CLPB: variants seen among roughly 807,000 people sequenced by gnomAD.
The protein encoded by CLPB is ClpB family mitochondrial disaggregase, also known as mitochondrial disaggregase.
CLPB carries 40 observed loss-of-function variants against 78.4 expected under a neutral mutation model. That is an observed-to-expected ratio of 0.51 (90% CI 0.40 to 0.66). CLPB has a LOEUF of 0.66. Ranked by LOEUF, CLPB falls within the 30% of genes least tolerant of loss-of-function variation. The pLI, the probability that CLPB is intolerant of heterozygous loss-of-function variation, is 0.00. For missense variants in CLPB, 780 were observed against 886.9 expected (o/e 0.88, Z 1.53); for synonymous variants, 333 against 348.0 (o/e 0.96, Z 0.48).
chr11:72,405,744 C>T (rs768123987), intron 2 of CLPB, among the ~76,000 whole-genome samples: 1 of 151,984 alleles, frequency 6.6e-6, no homozygotes. Flanking sequence ...CTGGCTAACA[C>T]GGTGAAACCG....
At chr11:72,316,814 CAG>C (rs764885360) in intron 7 of CLPB, among the ~76,000 whole-genome samples, 1 of 152,256 alleles carries the variant, frequency 6.6e-6, no homozygotes, top group East Asian at 1.9e-4. Context: ...AGATGACGGT[CAG>C]AGTTAAATTC....
chr11:72,366,179 T>A (rs895739687), intron 4 of CLPB, among the ~76,000 whole-genome samples: 1 of 152,128 alleles, frequency 6.6e-6, no homozygotes, highest in Non-Finnish European at 1.5e-5. Flanking sequence ...TGGTCTAATA[T>A]CCAGAATCTA....
intron 2 of CLPB, among the ~76,000 whole-genome samples, chr11:72,422,530 C>T (rs1856240907): frequency 6.6e-6 from 1 of 152,200 alleles, no homozygotes; most frequent in South Asian, 2.1e-4. Flanking sequence ...ATTCAAAAAA[C>T]TGTGTGATGA....
intron 7 of CLPB, among the ~76,000 whole-genome samples, chr11:72,313,168 G>C (rs1174571482): frequency 6.6e-6 from 1 of 152,122 alleles, no homozygotes; most frequent in African/African-American, 2.4e-5. Context: ...CATGTCTGTG[G>C]CATCTCCTAG....
At chr11:72,338,925 T>A (rs529725524) in intron 5 of CLPB, among the ~76,000 whole-genome samples, 1 of 152,180 alleles carries the variant, frequency 6.6e-6, no homozygotes, top group Non-Finnish European at 1.5e-5. Context: ...CTCAGGATAA[T>A]CCTGTGGTCA....
chr11:72,380,231 G>GA (rs776236086), intron 4 of CLPB, 50 bp downstream of exon 4: 1 of 1,404,380 alleles, frequency 7.1e-7, no homozygotes, highest in Admixed American at 1.7e-5. Flanking sequence ...AAGGCTGCAT[G>GA]AAAGCCACAA....
chr11:72,327,797 G>A (rs956594454), intron 6 of CLPB, among the ~76,000 whole-genome samples: 2 of 152,286 alleles, frequency 1.3e-5, no homozygotes, highest in South Asian at 4.1e-4. Context: ...CTGACCTCCT[G>A]ACCTGCTCCT....
intron 2 of CLPB, among the ~76,000 whole-genome samples, chr11:72,417,942 T>C (rs1293031726): frequency 1.3e-5 from 2 of 152,172 alleles, no homozygotes; most frequent in Non-Finnish European, 2.9e-5. Flanking sequence ...CAGTACACTG[T>C]CCATCTGCAA....
rs1473943850 is a variant in CLPB at position 72,286,226 on chromosome 11, T to TG, written c.*7140_*7141insC. 2 of 125,792 alleles carry TG rather than the reference T, an allele frequency of 1.6e-5. No individual in the cohort carries two copies. Among genetic ancestry groups the TG allele is most frequent in the African/African-American group, 7.0e-5 (2 of 28,718 alleles). The allele number at this position is 125,792 out of a possible 1,614,324, so 7.8% of individuals were successfully genotyped here. ...ACAGGTGTGAGATACTGCACCTGTT[T>TG]TTTTTTTTTTTTTTTTTTTTAAGAG... On this transcript the variant is annotated 3_prime_UTR_variant, in exon 16 of 16. Transcript: ENST00000538039.
rs931106703 is a variant in CLPB at position 72,341,086 on chromosome 11, C to T, written c.776-11282G>A. On this transcript the variant is annotated intron_variant, in intron 5 of 15. Transcript: ENST00000538039. ...CCGCCCACCTCTGCTTCCCAAAGTG[C>T]TGGGATTACAGGCGTGAGCCACCGC... Among the ~76,000 whole-genome samples the T allele has an allele frequency of 2.6e-5, 4 of 152,164 alleles. No individual in the cohort carries two copies. In the East Asian group the frequency reaches 7.7e-4, roughly 29 times the overall value.
chr11:72,309,328 C>T (rs1287747336), intron 7 of CLPB, among the ~76,000 whole-genome samples: 1 of 152,022 alleles, frequency 6.6e-6, no homozygotes, highest in Non-Finnish European at 1.5e-5. Context: ...TTCAAGAGGA[C>T]GTATGTAATT....
At chr11:72,352,507 C>T (rs80045923) in intron 5 of CLPB, 4,417 of 152,338 alleles carry the variant, frequency 0.029, 109 homozygotes, top group Non-Finnish European at 0.04. Context: ...CACGTTGCTC[C>T]CTCCGCCTTC....
At chr11:72,394,788 G>A (rs894553658) in intron 3 of CLPB, among the ~76,000 whole-genome samples, 1 of 152,204 alleles carries the variant, frequency 6.6e-6, no homozygotes, top group Admixed American at 6.5e-5. Context: ...CTGGGGGCAC[G>A]GTGCTGCGGT....
At chr11:72,372,858 T>C in intron 4 of CLPB, 1 of 1,384,536 alleles carries the variant, frequency 7.2e-7, no homozygotes, top group Admixed American at 1.7e-5. Flanking sequence ...AAAGAGATAG[T>C]CAGATGAGAC....
rs756675072 is a variant in CLPB, at chr11:72,434,444, C to G, written c.31G>C (p.Ala11Pro). 1 of 1,570,862 alleles carries G rather than the reference C, an allele frequency of 6.4e-7. No homozygotes were observed. The highest frequency in any genetic ancestry group is 1.4e-5 in the African/African-American group (1 of 73,626). The change falls in exon 1 of 16, where the codon GCA (alanine) becomes CCA (proline). Residue 11 changes from alanine to proline, a missense_variant. Ala to Pro is a conservative substitution (Grantham distance 27). Transcript: ENST00000538039. MLGSLVLRRK[A>P]LAPRLLLRLL... Reference sequence around the variant, plus strand: ...CGGAGGAGTAGCCGTGGCGCCAGTGCTTTTCTCCTCAACACCAGGGACCCC... The same window carrying G: ...CGGAGGAGTAGCCGTGGCGCCAGTGGTTTTCTCCTCAACACCAGGGACCCC...
At chr11:72,384,132 G>C (rs1304985095) in intron 3 of CLPB, among the ~76,000 whole-genome samples, 1 of 152,134 alleles carries the variant, frequency 6.6e-6, no homozygotes, top group Non-Finnish European at 1.5e-5. Context: ...CAGCCTGGGT[G>C]ACAGAATGAG....
chr11:72,338,724 T>A (rs1421906243), intron 5 of CLPB, among the ~76,000 whole-genome samples: 1 of 152,200 alleles, frequency 6.6e-6, no homozygotes, highest in Non-Finnish European at 1.5e-5. Context: ...GTCTCCACAA[T>A]CAGATGTATG....
At chr11:72,320,624 G>A (rs1194569738) in intron 6 of CLPB, among the ~76,000 whole-genome samples, 1 of 152,190 alleles carries the variant, frequency 6.6e-6, no homozygotes, top group Non-Finnish European at 1.5e-5. Flanking sequence ...CAGGCAGGCA[G>A]AAGATTACTG....
chr11:72,416,735 C>CAAAAAA (rs35655496), intron 2 of CLPB, among the ~76,000 whole-genome samples: 31 of 50,594 alleles, frequency 6.1e-4, no homozygotes, highest in African/African-American at 7.5e-4. Context: ...GACTCCGTCT[C>CAAAAAA]AAAAAAAAAA....
Sources: allele counts gnomAD v4.1 joint callset (sites outside exome capture counted in the v4.1 genomes callset), GRCh38; gene constraint gnomAD v4.1.1; transcripts MANE v1.5; gene names NCBI Gene and HGNC (gene_info 2026-07-23, HGNC 2026-07-21).